ERP44: variants seen among roughly 807,000 people sequenced by gnomAD.
The protein encoded by ERP44 is endoplasmic reticulum resident protein 44.
Under a neutral mutation model 53.4 loss-of-function variants are expected in ERP44, and 25 were observed. The observed-to-expected ratio is 0.47, with a 90% confidence interval of 0.34 to 0.65. The LOEUF (loss-of-function observed/expected upper bound fraction) is 0.65, where lower values mean the gene tolerates loss of function less well. ERP44 is among the 30% of genes least tolerant of loss of function. ERP44 has a pLI of 0.01. For missense variants in ERP44, 338 were observed against 493.2 expected, an observed-to-expected ratio of 0.69 and a Z score of 2.98; for synonymous variants, 145 against 161.2, an observed-to-expected ratio of 0.90 and a Z score of 0.76.
intron 1 of ERP44, among the ~76,000 whole-genome samples, chr9:100,086,677 A>G (rs527713439): frequency 7.9e-5 from 12 of 152,330 alleles, no homozygotes; most frequent in Non-Finnish European, 1.5e-4. Context: ...AAATTTGCCT[A>G]CTATCACAAC....
chr9:100,068,602 G>A (rs1462224489), intron 1 of ERP44, among the ~76,000 whole-genome samples: 15 of 146,094 alleles, frequency 1.0e-4, no homozygotes, highest in Non-Finnish European at 1.7e-4. Context: ...CGGCTGCCCC[G>A]TCCGGGAGGG....
At chr9:100,092,511 TG>T (rs1399361818) in intron 1 of ERP44, among the ~76,000 whole-genome samples, 1 of 152,224 alleles carries the variant, frequency 6.6e-6, no homozygotes, top group Non-Finnish European at 1.5e-5. Flanking sequence ...GTTAAGTAAA[TG>T]GAAGAGTCGG....
intron 10 of ERP44, among the ~76,000 whole-genome samples, chr9:100,005,288 A>C (rs1830415811): frequency 6.6e-6 from 1 of 152,198 alleles, no homozygotes; most frequent in African/African-American, 2.4e-5. Flanking sequence ...GATCTCTGTC[A>C]GAGCACTTAT....
chr9:100,097,335 A>G (rs954589321), intron 1 of ERP44, among the ~76,000 whole-genome samples: 1 of 151,908 alleles, frequency 6.6e-6, no homozygotes, highest in African/African-American at 2.4e-5. Flanking sequence ...TTTCTTTACA[A>G]TATCTTAAGA....
intron 10 of ERP44, among the ~76,000 whole-genome samples, chr9:99,997,404 AT>A (rs920301867): frequency 7.8e-5 from 6 of 76,802 alleles, no homozygotes; most frequent in African/African-American, 1.7e-4. Flanking sequence ...GATGTTTAGC[AT>A]TTTTTTAACA....
rs1249266267 is a variant in ERP44 at position 100,048,935 on chromosome 9, T to G, written c.286+3482A>C. Among the ~76,000 whole-genome samples, 3 of 152,336 alleles carry G rather than the reference T, an allele frequency of 2.0e-5. No individual in the cohort carries two copies. The East Asian group carries it at 5.8e-4, about 29-fold the overall frequency. On this transcript the variant is annotated intron_variant, in intron 4 of 11. Coordinates refer to ENST00000262455, the MANE Select transcript of ERP44 (RefSeq NM_015051.3). Reference sequence around the variant, plus strand: ...TTTTGCAAGATGAAGAACTGGAGACTGGTTGCACAACAATGTGAATACATT... The same window carrying G: ...TTTTGCAAGATGAAGAACTGGAGACGGGTTGCACAACAATGTGAATACATT...
At chr9:100,005,287 C>G (rs1482224663) in intron 10 of ERP44, among the ~76,000 whole-genome samples, 1 of 152,182 alleles carries the variant, frequency 6.6e-6, no homozygotes, top group African/African-American at 2.4e-5. Flanking sequence ...TGATCTCTGT[C>G]AGAGCACTTA....
At chr9:99,991,152 C>A (rs1270330328) in intron 10 of ERP44, among the ~76,000 whole-genome samples, 2 of 151,648 alleles carry the variant, frequency 1.3e-5, no homozygotes, top group Non-Finnish European at 2.9e-5. Context: ...AACTCAGCTC[C>A]ACACCAAGCT....
chr9:100,000,291 AGGTGGGCAT>A (rs1442080293), intron 10 of ERP44, among the ~76,000 whole-genome samples: 2 of 152,070 alleles, frequency 1.3e-5, no homozygotes, highest in Admixed American at 6.5e-5. Flanking sequence ...AAAAAAAATT[AGGTGGGCAT>A]GGTGGCACAT....
chr9:100,035,729 G>A (rs1451277939), intron 4 of ERP44, among the ~76,000 whole-genome samples: 1 of 151,888 alleles, frequency 6.6e-6, no homozygotes, highest in Non-Finnish European at 1.5e-5. Flanking sequence ...ACAAAAAGTG[G>A]ACAAAGGATG....
At chr9:100,034,688 C>T (rs143235402) in intron 4 of ERP44, among the ~76,000 whole-genome samples, 73 of 152,186 alleles carry the variant, frequency 4.8e-4, no homozygotes, top group Non-Finnish European at 8.8e-4. Flanking sequence ...GCCATTTTAA[C>T]GATATCAATT....
At chr9:100,067,724 G>T (rs112673618) in intron 1 of ERP44, among the ~76,000 whole-genome samples, 1 of 150,588 alleles carries the variant, frequency 6.6e-6, no homozygotes, top group Non-Finnish European at 1.5e-5. Context: ...CTGCCCGGCC[G>T]CCATCCCATC....
At chr9:100,054,337 AAGG>A (rs1826068149) in intron 3 of ERP44, among the ~76,000 whole-genome samples, 1 of 152,200 alleles carries the variant, frequency 6.6e-6, no homozygotes, top group South Asian at 2.1e-4. Context: ...CAAGGGAGGC[AAGG>A]AGTAGGGGCT....
chr9:100,064,466 C>T (rs995450833), intron 1 of ERP44, among the ~76,000 whole-genome samples: 4 of 152,174 alleles, frequency 2.6e-5, no homozygotes, highest in Admixed American at 6.5e-5. Flanking sequence ...AAAGTCTATA[C>T]TATAATTTGG....
chr9:100,014,793 C>T (rs973462143), intron 8 of ERP44, among the ~76,000 whole-genome samples: 1 of 152,240 alleles, frequency 6.6e-6, no homozygotes, highest in Admixed American at 6.5e-5. Context: ...TACTTACTAT[C>T]TGACCCTTTG....
chr9:100,092,728 A>T (rs974468102), intron 1 of ERP44, among the ~76,000 whole-genome samples: 1 of 152,242 alleles, frequency 6.6e-6, no homozygotes, highest in Non-Finnish European at 1.5e-5. Context: ...TGCACACAAG[A>T]AAACAAATTA....
Position 99,997,473 on chromosome 9 carries a change from C to T in ERP44, c.1016+9033G>A, listed in dbSNP as rs1273357024. On this transcript the variant is annotated intron_variant, in intron 10 of 11. Transcript: ENST00000262455. ...GTGCCAAAAATACATTAACATTTAA[C>T]AATTTCACTGAAAGGAAAAAACTGT... Among the ~76,000 whole-genome samples, 3 of 152,166 alleles carry T rather than the reference C, an allele frequency of 2.0e-5. No individual in the cohort carries two copies. In the East Asian group the frequency reaches 5.8e-4, roughly 29 times the overall value.
chr9:99,991,801 C>A (rs895729348), intron 10 of ERP44, among the ~76,000 whole-genome samples: 2 of 152,074 alleles, frequency 1.3e-5, no homozygotes, highest in Admixed American at 6.5e-5. Flanking sequence ...AGAGAAGAAT[C>A]AAATAGATGC....
At chr9:100,056,416 A>G (rs1826089128) in intron 3 of ERP44, among the ~76,000 whole-genome samples, 1 of 152,238 alleles carries the variant, frequency 6.6e-6, no homozygotes, top group Non-Finnish European at 1.5e-5. Context: ...TTATGTACTT[A>G]TCAGCCACAT....
Sources: allele counts gnomAD v4.1 joint callset (sites outside exome capture counted in the v4.1 genomes callset), GRCh38; gene constraint gnomAD v4.1.1; transcripts MANE v1.5; gene names NCBI Gene and HGNC (gene_info 2026-07-23, HGNC 2026-07-21).